The following FBLN7 variants were observed in gnomAD, a reference collection of about 807,000 sequenced individuals.
FBLN7 encodes the protein fibulin-7.
FBLN7 carries 31 observed loss-of-function variants against 44.0 expected under a neutral mutation model. That is an observed-to-expected ratio of 0.70 (90% CI 0.53 to 0.95). The LOEUF (loss-of-function observed/expected upper bound fraction) is 0.95, where lower values mean the gene tolerates loss of function less well. Among genes scored for constraint, FBLN7 ranks in the 40% least tolerant of loss-of-function variants. FBLN7 has a pLI of 0.00. For missense variants in FBLN7, 573 were observed against 618.5 expected (o/e 0.93, Z 0.78); for synonymous variants, 262 against 253.4 (o/e 1.03, Z -0.32).
chr2:112,193,090 G>A (rs1683538606), downstream of FBLN7, among the ~76,000 whole-genome samples: 1 of 152,216 alleles, frequency 6.6e-6, no homozygotes, highest in South Asian at 2.1e-4. Context: ...TGCAGAGGAT[G>A]GGCTCCAGGA....
the FBLN7 span, chr2:112,231,004 G>A: frequency 9.2e-7 from 1 of 1,081,436 alleles, no homozygotes; most frequent in East Asian, 4.4e-5. Context: ...GTGTAATTCA[G>A]GTATACTGTC....
downstream of FBLN7, among the ~76,000 whole-genome samples, chr2:112,190,793 T>C (rs1254409234): frequency 6.6e-6 from 1 of 152,226 alleles, no homozygotes; most frequent in East Asian, 1.9e-4. Flanking sequence ...TGGGGGATGG[T>C]AATTAGACAT....
chr2:112,229,081 T>C, the FBLN7 span, among the ~76,000 whole-genome samples: 1 of 152,158 alleles, frequency 6.6e-6, no homozygotes, highest in Non-Finnish European at 1.5e-5. Context: ...TAGTATATAC[T>C]GGAGAAAAAG....
At chr2:112,200,913 AAGC>A in the FBLN7 span, among the ~76,000 whole-genome samples, 1 of 152,186 alleles carries the variant, frequency 6.6e-6, no homozygotes, top group Admixed American at 6.5e-5. Context: ...GGATGGAAAA[AAGC>A]AGCACCCATT....
intron 2 of FBLN7, among the ~76,000 whole-genome samples, chr2:112,160,081 C>G (rs1461772262): frequency 6.6e-6 from 1 of 152,192 alleles, no homozygotes; most frequent in African/African-American, 2.4e-5. Flanking sequence ...AGCTCCGCCT[C>G]CCGGGTTCAC....
intron 4 of FBLN7, among the ~76,000 whole-genome samples, chr2:112,181,324 CTAAAAT>C (rs1232401623): frequency 6.6e-6 from 1 of 151,908 alleles, no homozygotes; most frequent in Non-Finnish European, 1.5e-5. Context: ...GTCTTCAAAC[CTAAAAT>C]TAAAAATAAT....
intron 3 of FBLN7, 110 bp downstream of exon 3, chr2:112,165,281 C>T: frequency 7.4e-7 from 1 of 1,342,792 alleles, no homozygotes. Flanking sequence ...GTTCTTTAAT[C>T]ATTCCTCAAC....
the FBLN7 span, among the ~76,000 whole-genome samples, chr2:112,239,998 A>C: frequency 6.6e-6 from 1 of 152,198 alleles, no homozygotes; most frequent in Non-Finnish European, 1.5e-5. Flanking sequence ...CAAGCTGAGG[A>C]AGTTTCTTGA....
the FBLN7 span, among the ~76,000 whole-genome samples, chr2:112,233,760 T>C: frequency 6.6e-6 from 1 of 151,970 alleles, no homozygotes; most frequent in African/African-American, 2.4e-5. Flanking sequence ...TCCCAGCTAC[T>C]TGGGAGGCTG....
chr2:112,165,894 A>T (rs186166149), intron 3 of FBLN7, among the ~76,000 whole-genome samples: 1 of 152,360 alleles, frequency 6.6e-6, no homozygotes, highest in Non-Finnish European at 1.5e-5. Flanking sequence ...GGTCAAAAAA[A>T]TCTTGGCTAC....
At chr2:112,233,975 T>C in the FBLN7 span, 2 of 532,402 alleles carry the variant, frequency 3.8e-6, no homozygotes, top group Admixed American at 4.1e-5. Context: ...TTTTTAAACA[T>C]AAAAGAATAC....
chr2:112,185,243 G>T lies in FBLN7; in HGVS notation c.851G>T (p.Gly284Val), dbSNP rs866177394. 2.5e-6 allele frequency: 4 copies of T among 1,613,802 alleles called. No individual in the cohort carries two copies. The African/African-American group carries it at 5.3e-5, about 22-fold the overall frequency. Residue 284 changes from glycine to valine, a missense_variant, in exon 7 of 8, where the codon GGG becomes GTG. Coordinates refer to ENST00000331203, the MANE Select transcript of FBLN7 (RefSeq NM_153214.3). ...GGCCTGCAGCCGGTGTGCCCCCAGG[G>T]GACCACATGCATCAACACCGGTGGA... is the stretch of plus-strand genomic sequence containing the variant. ...CVGLQPVCPQ[G>V]TTCINTGGSF...
chr2:112,210,282 C>T, the FBLN7 span, among the ~76,000 whole-genome samples: 2 of 151,930 alleles, frequency 1.3e-5, no homozygotes, highest in East Asian at 1.9e-4. Flanking sequence ...CGATGGAGAT[C>T]GTAATCAATT....
chr2:112,180,946 C>T (rs1386068694), intron 4 of FBLN7, among the ~76,000 whole-genome samples: 3 of 99,208 alleles, frequency 3.0e-5, no homozygotes, highest in Admixed American at 2.1e-4. Context: ...AAAAAAAAAA[C>T]GAAAGAAAAA....
At chr2:112,204,903 CAATATA>C in the FBLN7 span, among the ~76,000 whole-genome samples, 2 of 152,014 alleles carry the variant, frequency 1.3e-5, no homozygotes, top group African/African-American at 4.8e-5. Flanking sequence ...ATATAAAAGA[CAATATA>C]AATATATTTT....
chr2:112,153,210 T>C (rs1681251548), intron 1 of FBLN7: 1 of 152,184 alleles, frequency 6.6e-6, no homozygotes, highest in South Asian at 2.1e-4. Flanking sequence ...GAATTCGACA[T>C]GACTCAGACG....
the FBLN7 span, among the ~76,000 whole-genome samples, chr2:112,198,819 T>G: frequency 1.3e-5 from 2 of 152,072 alleles, no homozygotes; most frequent in African/African-American, 4.8e-5. Flanking sequence ...GAAATAAATT[T>G]TTGTTGTTTA....
At chr2:112,180,352 G>A (rs1409040188) in intron 4 of FBLN7, among the ~76,000 whole-genome samples, 2 of 152,158 alleles carry the variant, frequency 1.3e-5, no homozygotes, top group African/African-American at 4.8e-5. Context: ...ACCGATCCTG[G>A]AGAGGTTGTG....
At chr2:112,165,231 T>C in intron 3 of FBLN7, 60 bp downstream of exon 3, 1 of 1,555,688 alleles carries the variant, frequency 6.4e-7, no homozygotes, top group Non-Finnish European at 8.7e-7. Flanking sequence ...CAAGGGTTTC[T>C]TGCATAGAAA....
Sources: allele counts gnomAD v4.1 joint callset (sites outside exome capture counted in the v4.1 genomes callset), GRCh38; gene constraint gnomAD v4.1.1; transcripts MANE v1.5; gene names NCBI Gene and HGNC (gene_info 2026-07-23, HGNC 2026-07-21).